The following LARS2 variants were observed in gnomAD, a reference collection of about 807,000 sequenced individuals.
LARS2 encodes leucine--tRNA ligase, mitochondrial.
Under a neutral mutation model 116.6 loss-of-function variants are expected in LARS2, and 81 were observed. The observed-to-expected ratio is 0.69, with a 90% CI of 0.58 to 0.84. The LOEUF (loss-of-function observed/expected upper bound fraction) is 0.84. LARS2 is among the 40% of genes least tolerant of loss of function. LARS2 has a pLI of 0.00. For missense variants in LARS2, 968 were observed against 1,114.5 expected, an observed-to-expected ratio of 0.87 and a Z score of 1.87; for synonymous variants, 396 against 407.2, an observed-to-expected ratio of 0.97 and a Z score of 0.33.
Position 45,547,706 on chromosome 3 carries a change from T to C in LARS2, c.*176T>C. On this transcript the variant is annotated 3_prime_UTR_variant, in exon 22 of 22. Coordinates refer to ENST00000645846, the MANE Select transcript of LARS2 (RefSeq NM_015340.4). ...GTGCCTCTGTAGTGTGGCCTGGTGC[T>C]GGGGTGAAGGTGAGCTGGGCAAAGG... 1 of 581,848 alleles carries C rather than the reference T, an allele frequency of 1.7e-6. No individual in the cohort carries two copies. Among genetic ancestry groups the C allele is most frequent in the Admixed American group, 3.5e-5 (1 of 28,744 alleles). 36.0% of individuals were successfully genotyped at this position (581,848 alleles called of 1,614,324 possible).
intron 8 of LARS2, among the ~76,000 whole-genome samples, chr3:45,461,140 G>T (rs1028841719): frequency 6.6e-6 from 1 of 152,026 alleles, no homozygotes; most frequent in Admixed American, 6.5e-5. Context: ...AAATGGTCTG[G>T]GACTTAAAGG....
chr3:45,531,228 A>G (rs899639427), intron 20 of LARS2, among the ~76,000 whole-genome samples: 4 of 151,936 alleles, frequency 2.6e-5, no homozygotes, highest in Admixed American at 6.6e-5. Flanking sequence ...TAAGAAAAAT[A>G]TATGTAGACT....
intron 3 of LARS2, among the ~76,000 whole-genome samples, chr3:45,399,612 G>A (rs918004432): frequency 6.6e-6 from 1 of 151,812 alleles, no homozygotes; most frequent in Non-Finnish European, 1.5e-5. Flanking sequence ...CCTCTCTTCG[G>A]GTCTGCATTG....
In LARS2 at chr3:45,420,661, T is replaced by C. The variant is rs534942320; in HGVS notation, c.516+932T>C. Among the ~76,000 whole-genome samples the C allele has an allele frequency of 2.6e-5, 4 of 152,304 alleles. No homozygotes were observed. The East Asian group carries it at 7.7e-4, about 29-fold the overall frequency. ...TCCTCACACCAGAGTCAAGTTGTCCTGAGGTGCCAATAGGGAATCGCTCAT... is the reference window on the plus strand; with the variant it reads ...TCCTCACACCAGAGTCAAGTTGTCCCGAGGTGCCAATAGGGAATCGCTCAT... On this transcript the variant is annotated intron_variant, in intron 6 of 21. Coordinates refer to ENST00000645846, the MANE Select transcript of LARS2 (RefSeq NM_015340.4).
At chr3:45,541,712 C>A in intron 20 of LARS2, 117 bp from the exon 21 acceptor site, 3 of 1,337,748 alleles carry the variant, frequency 2.2e-6, no homozygotes, top group Non-Finnish European at 1.0e-6. Context: ...TCTGGCTTCC[C>A]ACCGGCTCCT....
intron 10 of LARS2, among the ~76,000 whole-genome samples, chr3:45,481,766 G>T (rs949493383): frequency 6.6e-6 from 1 of 151,918 alleles, no homozygotes; most frequent in East Asian, 1.9e-4. Flanking sequence ...TCTCTTATCA[G>T]ATACGTAATC....
At chr3:45,446,468 A>G (rs1261716857) in intron 6 of LARS2, among the ~76,000 whole-genome samples, 1 of 152,254 alleles carries the variant, frequency 6.6e-6, no homozygotes, top group East Asian at 1.9e-4. Context: ...TCAAATGAGG[A>G]TCATACTGAG....
rs116736028 is a variant in LARS2 at position 45,490,582 on chromosome 3, A to T, written c.1240-935A>T. On this transcript the variant is annotated intron_variant, in intron 12 of 21. Coordinates refer to ENST00000645846, the MANE Select transcript of LARS2 (RefSeq NM_015340.4). ...ACTGTGATAATGGGAGTGCAGAAAG[A>T]CACTTCAGACCATTCATGAAAAGGG... Among the ~76,000 whole-genome samples the T allele has an allele frequency of 2.8e-3, 434 of 152,340 alleles. 3 individuals carry two copies. Among genetic ancestry groups the T allele is most frequent in the African/African-American group, 9.9e-3 (410 of 41,576 alleles).
At chr3:45,412,297 C>T (rs35501215) in intron 4 of LARS2, among the ~76,000 whole-genome samples, 17,603 of 151,364 alleles carry the variant, frequency 0.12, 1,254 homozygotes, top group Middle Eastern at 0.18. Flanking sequence ...AACCAATTTA[C>T]GCTCCCACCA....
chr3:45,400,906 C>T (rs1014007567), intron 4 of LARS2, among the ~76,000 whole-genome samples: 7 of 152,154 alleles, frequency 4.6e-5, no homozygotes, highest in East Asian at 3.9e-4. Context: ...CTCCCCCTCC[C>T]GGGTTCACGC....
At chr3:45,476,742 C>A in intron 10 of LARS2, 115 bp downstream of exon 10, 1 of 1,007,514 alleles carries the variant, frequency 9.9e-7, no homozygotes, top group Non-Finnish European at 1.5e-6. Flanking sequence ...TGTTCTTTGC[C>A]TTAGCCTGAT....
At chr3:45,531,390 T>TTTTA (rs1700611444) in intron 20 of LARS2, among the ~76,000 whole-genome samples, 2 of 152,160 alleles carry the variant, frequency 1.3e-5, no homozygotes, top group Non-Finnish European at 2.9e-5. Flanking sequence ...TTTATTTTTA[T>TTTTA]TTTTTGAGGC....
At chr3:45,473,046 G>A (rs570184115) in intron 8 of LARS2, among the ~76,000 whole-genome samples, 2 of 152,306 alleles carry the variant, frequency 1.3e-5, no homozygotes, top group South Asian at 4.1e-4. Context: ...ATAAGGCACA[G>A]TTGTAGGCTT....
At chr3:45,459,010 A>T in intron 8 of LARS2, 124 bp downstream of exon 8, 2 of 921,074 alleles carry the variant, frequency 2.2e-6, no homozygotes, top group South Asian at 3.1e-5. Flanking sequence ...GGAGCCATGG[A>T]TGTACAGACA....
At chr3:45,395,484 A>G (rs941873248) in intron 3 of LARS2, among the ~76,000 whole-genome samples, 4 of 152,258 alleles carry the variant, frequency 2.6e-5, no homozygotes, top group Admixed American at 2.6e-4. Flanking sequence ...ACCTCTTGAT[A>G]CTGGTCAAAA....
intron 3 of LARS2, among the ~76,000 whole-genome samples, chr3:45,395,289 T>C (rs931181605): frequency 1.3e-5 from 2 of 152,340 alleles, no homozygotes; most frequent in African/African-American, 4.8e-5. Flanking sequence ...GGGTCTAACC[T>C]TGAGGTAGCA....
At chr3:45,529,925 A>G (rs1217947017) in intron 20 of LARS2, among the ~76,000 whole-genome samples, 1 of 152,120 alleles carries the variant, frequency 6.6e-6, no homozygotes, top group African/African-American at 2.4e-5. Flanking sequence ...GCGAGGAGAT[A>G]TGTCTTAGAG....
At chr3:45,491,185 C>T (rs1182555512) in intron 12 of LARS2, among the ~76,000 whole-genome samples, 2 of 152,190 alleles carry the variant, frequency 1.3e-5, no homozygotes, top group African/African-American at 4.8e-5. Context: ...ACACAGTAGA[C>T]ACAGTGCCTA....
intron 4 of LARS2, among the ~76,000 whole-genome samples, chr3:45,410,277 G>A (rs1698308902): frequency 2.0e-5 from 3 of 149,228 alleles, no homozygotes; most frequent in South Asian, 4.2e-4. Flanking sequence ...GAACTTTCTA[G>A]TAATACTGCC....
Sources: gnomAD v4.1 joint callset for allele counts (sites outside exome capture counted in the v4.1 genomes callset) on GRCh38, gnomAD v4.1.1 for gene constraint, MANE v1.5 for transcripts, NCBI Gene and HGNC (gene_info 2026-07-23, HGNC 2026-07-21) for gene names.